The following TCEA3 variants were observed in gnomAD, a reference collection of about 807,000 sequenced individuals.
TCEA3 encodes the protein transcription elongation factor A protein 3.
Under a neutral mutation model 44.0 loss-of-function variants are expected in TCEA3, and 36 were observed. That is an observed-to-expected ratio of 0.82 (90% CI 0.63 to 1.08). The LOEUF (loss-of-function observed/expected upper bound fraction) is 1.08, where lower values mean the gene tolerates loss of function less well. Ranked by LOEUF, TCEA3 falls within the 50% of genes least tolerant of loss-of-function variation. The pLI is 0.00. For synonymous variants in TCEA3, 162 were observed against 159.7 expected (o/e 1.01, Z -0.11); for missense variants, 392 against 441.2 (o/e 0.89, Z 1.00).
intron 10 of TCEA3, chr1:23,383,908 G>T: frequency 9.9e-7 from 1 of 1,006,810 alleles, no homozygotes; most frequent in Non-Finnish European, 1.2e-6. Context: ...TGGCATTTAG[G>T]TTCAACTCCT....
chr1:23,420,936 G>C (rs182108405), intron 1 of TCEA3, among the ~76,000 whole-genome samples: 5 of 152,074 alleles, frequency 3.3e-5, no homozygotes, highest in East Asian at 3.9e-4. Context: ...ACCAGGGGAC[G>C]GTGTCCTGTA....
At chr1:23,398,689 T>G (rs1243379197) in intron 5 of TCEA3, among the ~76,000 whole-genome samples, 1 of 152,234 alleles carries the variant, frequency 6.6e-6, no homozygotes, top group East Asian at 1.9e-4. Context: ...CCACTGAGAT[T>G]TGCCTAAGGC....
chr1:23,403,296 C>T (rs1165501577), intron 5 of TCEA3, among the ~76,000 whole-genome samples: 2 of 152,366 alleles, frequency 1.3e-5, no homozygotes, highest in East Asian at 3.9e-4. Context: ...CCCAGGTTCA[C>T]AGCCTGAGAC....
intron 1 of TCEA3, 70 bp downstream of exon 1, chr1:23,424,495 C>T: frequency 2.1e-6 from 3 of 1,435,282 alleles, no homozygotes; most frequent in South Asian, 2.3e-5. Context: ...AGTACGTCCC[C>T]ACCCCGGAAT....
chr1:23,418,977 A>C, intron 2 of TCEA3, 100 bp downstream of exon 2: 36 of 448,128 alleles, frequency 8.0e-5, no homozygotes, highest in Middle Eastern at 1.0e-3. Flanking sequence ...CCCCCCTCAG[A>C]AATTCCTCCC....
At chr1:23,404,047 A>C in intron 5 of TCEA3, 1 of 692,868 alleles carries the variant, frequency 1.4e-6, no homozygotes, top group East Asian at 2.7e-5. Flanking sequence ...GCACCGCACC[A>C]GTCCTTAGAA....
At chr1:23,386,966 C>T (rs953925318) in intron 9 of TCEA3, among the ~76,000 whole-genome samples, 1 of 151,608 alleles carries the variant, frequency 6.6e-6, no homozygotes, top group African/African-American at 2.4e-5. Flanking sequence ...GTGATCCGCC[C>T]GTCTTGGCCT....
intron 5 of TCEA3, among the ~76,000 whole-genome samples, chr1:23,398,809 C>A (rs764007899): frequency 4.0e-5 from 6 of 151,620 alleles, no homozygotes; most frequent in African/African-American, 1.5e-4. Flanking sequence ...TCTCTGTCAC[C>A]CAGGCTGGAG....
chr1:23,393,964 A>G lies in TCEA3; in HGVS notation c.734T>C (p.Leu245Pro). 1.9e-6 allele frequency: 3 copies of G among 1,613,906 alleles called. No individual in the cohort carries two copies. In the South Asian group the frequency reaches 3.3e-5, roughly 18 times the overall value. ...RNRVRSRISN[L>P]KDPRNPGLRR... is the part of the protein sequence containing the mutation. Reference sequence around the variant, plus strand: ...CAGGCCGGGGTTCCTGGGGTCCTTGAGGTTGCTTATGCGGCTGCGCACGCG... The same window carrying G: ...CAGGCCGGGGTTCCTGGGGTCCTTGGGGTTGCTTATGCGGCTGCGCACGCG... Residue 245 changes from leucine (L) to proline (P), a missense_variant, in exon 8 of 11, where the codon CTC becomes CCC. Coordinates refer to ENST00000450454, the MANE Select transcript of TCEA3 (RefSeq NM_003196.3).
chr1:23,407,920 CTTTCTTTCTT>C (rs1468250797), intron 5 of TCEA3, among the ~76,000 whole-genome samples: 1 of 152,012 alleles, frequency 6.6e-6, no homozygotes, highest in Non-Finnish European at 1.5e-5. Context: ...CAGGTATAGG[CTTTCTTTCTT>C]TTTCTTTCTT....
intron 9 of TCEA3, 36 bp downstream of exon 9, chr1:23,387,237 T>C: frequency 6.2e-7 from 1 of 1,608,562 alleles, no homozygotes; most frequent in Non-Finnish European, 8.5e-7. Flanking sequence ...CCCTGCGGCC[T>C]CCTGCACCTC....
At chr1:23,418,113 A>C in intron 2 of TCEA3, 104 bp from the exon 3 acceptor site, 1 of 1,123,064 alleles carries the variant, frequency 8.9e-7, no homozygotes, top group Non-Finnish European at 1.3e-6. Flanking sequence ...TCCCCTTCCA[A>C]CCTGGACCCC....
chr1:23,395,386 T>C (rs935086448), intron 7 of TCEA3, among the ~76,000 whole-genome samples: 4 of 152,204 alleles, frequency 2.6e-5, no homozygotes, highest in African/African-American at 9.7e-5. Context: ...GCTGCATTGT[T>C]AGCACAGGGC....
At chr1:23,389,483 C>CTGT (rs1436295709) in intron 8 of TCEA3, among the ~76,000 whole-genome samples, 7 of 76,816 alleles carry the variant, frequency 9.1e-5, no homozygotes, top group South Asian at 5.0e-4. Flanking sequence ...CAGCGAGATT[C>CTGT]CATCAAAAAA....
chr1:23,417,220 T>C (rs1245536705), intron 4 of TCEA3, 29 bp downstream of exon 4: 1 of 1,608,840 alleles, frequency 6.2e-7, no homozygotes, highest in Non-Finnish European at 8.5e-7. Flanking sequence ...AAGTGTCAGC[T>C]CCCTTCTCTC....
At chr1:23,394,120 C>T in intron 7 of TCEA3, 87 bp from the exon 8 acceptor site, 4 of 1,483,108 alleles carry the variant, frequency 2.7e-6, no homozygotes, top group Admixed American at 2.1e-5. Context: ...CTCCAGAACC[C>T]TTTCTTCCTC....
At chr1:23,401,685 A>G (rs1231196491) in intron 5 of TCEA3, among the ~76,000 whole-genome samples, 1 of 152,168 alleles carries the variant, frequency 6.6e-6, no homozygotes, top group Non-Finnish European at 1.5e-5. Context: ...CATTTGCCAA[A>G]GAGCCGCCAG....
At chr1:23,418,135 C>A in intron 2 of TCEA3, 126 bp from the exon 3 acceptor site, 1 of 901,044 alleles carries the variant, frequency 1.1e-6, no homozygotes, top group South Asian at 1.6e-5. Context: ...AGAGTCCTAG[C>A]CCTGACTCCT....
chr1:23,420,708 C>G (rs530140336), intron 1 of TCEA3, among the ~76,000 whole-genome samples: 4 of 152,322 alleles, frequency 2.6e-5, no homozygotes, highest in South Asian at 4.1e-4. Flanking sequence ...TCTCTGAGAA[C>G]TTAGGGCTCA....
Sources: allele counts gnomAD v4.1 joint callset (sites outside exome capture counted in the v4.1 genomes callset), GRCh38; gene constraint gnomAD v4.1.1; transcripts MANE v1.5; gene names NCBI Gene and HGNC (gene_info 2026-07-23, HGNC 2026-07-21).